Variants in ART3 observed in about 807,000 individuals in gnomAD.
The protein encoded by ART3 is ADP-ribosyltransferase 3 (inactive), also known as ecto-ADP-ribosyltransferase 3.
Under a neutral mutation model 48.5 loss-of-function variants are expected in ART3, and 49 were observed. The observed-to-expected ratio is 1.01, with a 90% CI of 0.80 to 1.28. The LOEUF (loss-of-function observed/expected upper bound fraction) is 1.28. ART3 is among the 50% of genes most tolerant of loss of function. The pLI, the probability that ART3 is intolerant of heterozygous loss-of-function variation, is 0.00. For missense variants in ART3, 438 were observed against 454.3 expected (o/e 0.96, Z 0.33); for synonymous variants, 145 against 157.2 (o/e 0.92, Z 0.58).
At chr4:76,043,957 G>T (rs1735245831) in intron 1 of ART3, among the ~76,000 whole-genome samples, 1 of 152,006 alleles carries the variant, frequency 6.6e-6, no homozygotes, top group Non-Finnish European at 1.5e-5. Flanking sequence ...TGCAGTTGTA[G>T]TGTCCTTCAG....
chr4:76,048,345 A>C (rs4404571), intron 1 of ART3, among the ~76,000 whole-genome samples: 17,469 of 151,746 alleles, frequency 0.12, 1,320 homozygotes, highest in African/African-American at 0.19. Context: ...CATCAGAGAG[A>C]GAATATTGGG....
chr4:76,083,017 C>A (rs1361067177), intron 3 of ART3, among the ~76,000 whole-genome samples: 1 of 152,100 alleles, frequency 6.6e-6, no homozygotes, highest in East Asian at 1.9e-4. Context: ...AGGGAGACCA[C>A]CATTTCTGCT....
At chr4:76,106,188 T>C (rs1381279540) in intron 10 of ART3, 7 of 985,458 alleles carry the variant, frequency 7.1e-6, no homozygotes, top group Non-Finnish European at 8.4e-6. Context: ...TCAAGCTTTG[T>C]TCACTTTGTG....
intron 1 of ART3, among the ~76,000 whole-genome samples, chr4:76,019,483 G>A (rs67687266): frequency 0.29 from 12,951 of 44,782 alleles, 825 homozygotes; most frequent in African/African-American, 0.38. Context: ...TGATAAAAAA[G>A]CAATTCTTGG....
intron 3 of ART3, among the ~76,000 whole-genome samples, chr4:76,094,505 A>G (rs867703189): frequency 6.6e-6 from 1 of 152,204 alleles, no homozygotes; most frequent in African/African-American, 2.4e-5. Flanking sequence ...GTTCTGGTAC[A>G]TAGTTAATTT....
At chr4:76,018,400 A>G (rs1410089186) in intron 1 of ART3, among the ~76,000 whole-genome samples, 1 of 152,204 alleles carries the variant, frequency 6.6e-6, no homozygotes, top group African/African-American at 2.4e-5. Flanking sequence ...ACCCATGGAC[A>G]CAAAGAAGGC....
intron 9 of ART3, 134 bp from the exon 10 acceptor site, chr4:76,104,463 T>G: frequency 6.8e-7 from 1 of 1,473,372 alleles, no homozygotes; most frequent in Non-Finnish European, 9.0e-7. Flanking sequence ...AGCAGAACTT[T>G]TAAATAAAAA....
In ART3 at chr4:76,075,932, A is replaced by G; in HGVS notation, c.43A>G (p.Thr15Ala). ...HFEIVTMLLA[T>A]MILVDIFQVK... ...TGAAATAGTCACCATGCTGCTGGCAACCATGATTCTAGTGGACATTTTCCA... is the reference window on the plus strand; with the variant it reads ...TGAAATAGTCACCATGCTGCTGGCAGCCATGATTCTAGTGGACATTTTCCA... The change falls in exon 2 of 12, where the codon ACC becomes GCC. Residue 15 changes from threonine to alanine, a missense_variant. Coordinates refer to ENST00000355810, the MANE Select transcript of ART3 (RefSeq NM_001130016.3). The G allele has an allele frequency of 5.6e-6, 9 of 1,613,412 alleles. No individual in the cohort carries two copies. Among genetic ancestry groups the G allele is most frequent in the Non-Finnish European group, 7.6e-6 (9 of 1,179,650 alleles).
In ART3 at chr4:76,080,275, G is replaced by A. The variant is rs140894226; in HGVS notation, c.70-1549G>A. ...TTCAAAGATAAAAACGATACAGACC[G>A]TACCCTTAAGGATCTAACAGTATAA... On this transcript the variant is annotated intron_variant, in intron 2 of 11. Coordinates refer to ENST00000355810, the MANE Select transcript of ART3 (RefSeq NM_001130016.3). Among the ~76,000 whole-genome samples the A allele has an allele frequency of 4.6e-5, 7 of 152,180 alleles. No homozygotes were observed. The East Asian group carries it at 5.8e-4, about 13-fold the overall frequency.
intron 1 of ART3, chr4:76,034,970 G>C (rs1734219909): frequency 7.0e-7 from 1 of 1,435,274 alleles, no homozygotes; most frequent in Non-Finnish European, 9.8e-7. Flanking sequence ...TTCTGTAGTT[G>C]TCCACATTAT....
At chr4:76,044,699 C>T (rs189007352) in intron 1 of ART3, among the ~76,000 whole-genome samples, 1 of 151,922 alleles carries the variant, frequency 6.6e-6, no homozygotes, top group Non-Finnish European at 1.5e-5. Context: ...CCCTCTTTAA[C>T]GTTCTGTCTC....
chr4:76,095,944 C>CA (rs1309129841), intron 3 of ART3, among the ~76,000 whole-genome samples: 2 of 151,660 alleles, frequency 1.3e-5, no homozygotes, highest in Non-Finnish European at 2.9e-5. Flanking sequence ...TCTTTTGAGA[C>CA]AGAGTTTTGC....
rs569956272 is a variant in ART3 at position 76,067,646 on chromosome 4, A to G, written c.-9-8235A>G. Among the ~76,000 whole-genome samples, 110 of 152,368 alleles carry G rather than the reference A, an allele frequency of 7.2e-4. 1 individual carries two copies. The highest frequency in any genetic ancestry group is 1.8e-3 in the African/African-American group (75 of 41,592). On this transcript the variant is annotated intron_variant, in intron 1 of 9. Coordinates refer to the ART3 transcript ENST00000341029. ...ATGTATTTCTCTTTATTGGAAATCAACGTAGTTCACAAACCCCCATGTAAA... is the reference window on the plus strand; with the variant it reads ...ATGTATTTCTCTTTATTGGAAATCAGCGTAGTTCACAAACCCCCATGTAAA...
At chr4:76,107,682 C>T (rs1040710046) in intron 10 of ART3, 79 bp from the exon 11 acceptor site, 2 of 1,048,392 alleles carry the variant, frequency 1.9e-6, no homozygotes, top group African/African-American at 3.3e-5. Context: ...ACCAAGTTTG[C>T]TTAATTTTTA....
chr4:76,112,578 G>A lies in ART3; in HGVS notation c.*59G>A, dbSNP rs1729695123. ...TTGAAATAACTATAGGGATCCACAG[G>A]AGATCAAAAGGAATGATGTATTTTT... On this transcript the variant is annotated 3_prime_UTR_variant, in exon 12 of 12. Coordinates refer to ENST00000355810, the MANE Select transcript of ART3 (RefSeq NM_001130016.3). 4.0e-6 allele frequency: 6 copies of A among 1,492,546 alleles called. No homozygotes were observed. Among genetic ancestry groups the A allele is most frequent in the Non-Finnish European group, 5.4e-6 (6 of 1,110,474 alleles). 92.5% of individuals were successfully genotyped at this position (1,492,546 alleles called of 1,614,324 possible). A position where few individuals can be genotyped will look rare whatever the true frequency, so the allele number is the denominator to read the frequency against.
intron 8 of ART3, among the ~76,000 whole-genome samples, chr4:76,102,510 C>T (rs1328517873): frequency 6.6e-6 from 1 of 151,920 alleles, no homozygotes; most frequent in Non-Finnish European, 1.5e-5. Flanking sequence ...CTGTGTCCAA[C>T]CATTGGGTAT....
intron 1 of ART3, among the ~76,000 whole-genome samples, chr4:76,040,032 A>T (rs1734793384): frequency 6.6e-6 from 1 of 152,178 alleles, no homozygotes; most frequent in Admixed American, 6.5e-5. Flanking sequence ...GATATTTTAA[A>T]AAAACATTAG....
intron 1 of ART3, chr4:76,036,894 C>T (rs1397929749): frequency 9.3e-6 from 2 of 215,252 alleles, no homozygotes; most frequent in Non-Finnish European, 2.1e-5. Flanking sequence ...TCAGTAACTC[C>T]ATGCCACGCC....
chr4:76,064,222 A>G (rs1719495622), intron 1 of ART3, among the ~76,000 whole-genome samples: 2 of 152,214 alleles, frequency 1.3e-5, no homozygotes, highest in African/African-American at 4.8e-5. Flanking sequence ...CATTAGGTAC[A>G]CGATGGAGAC....
Sources: gnomAD v4.1 joint callset for allele counts (sites outside exome capture counted in the v4.1 genomes callset) on GRCh38, gnomAD v4.1.1 for gene constraint, MANE v1.5 for transcripts, NCBI Gene and HGNC (gene_info 2026-07-23, HGNC 2026-07-21) for gene names.